The following ZNF208 variants were observed in gnomAD, a reference collection of about 807,000 sequenced individuals.
The protein encoded by ZNF208 is zinc finger protein 208.
In ZNF208, 10 loss-of-function variants were observed where a neutral mutation model predicts 12.1. The ratio of observed to expected loss-of-function variants is 0.83; its 90% CI spans 0.51 to 1.40. ZNF208 has a LOEUF of 1.40. Ranked by LOEUF, ZNF208 falls within the 40% of genes most tolerant of loss-of-function variation. The pLI, the probability that ZNF208 is intolerant of heterozygous loss-of-function variation, is 0.00. For synonymous variants in ZNF208, 497 were observed against 488.4 expected (o/e 1.02, Z -0.23); for missense variants, 1,652 against 1,485.0 (o/e 1.11, Z -1.85).
chr19:21,951,899 A>T (rs990996296), intron 4 of ZNF208, among the ~76,000 whole-genome samples: 3 of 152,318 alleles, frequency 2.0e-5, no homozygotes, highest in African/African-American at 7.2e-5. Flanking sequence ...CCTAGCCTGG[A>T]GAAGCCAGGA....
At chr19:21,989,001 G>T in intron 1 of ZNF208, 92 bp from the exon 2 acceptor site, 6 of 1,515,716 alleles carry the variant, frequency 4.0e-6, no homozygotes, top group Non-Finnish European at 5.3e-6. Context: ...AAGAGAGCTG[G>T]TTCTGACTTA....
chr19:21,993,898 T>C (rs1027739547), intron 1 of ZNF208, among the ~76,000 whole-genome samples: 1 of 152,236 alleles, frequency 6.6e-6, no homozygotes, highest in Non-Finnish European at 1.5e-5. Flanking sequence ...GCACATGTAC[T>C]ACTACAATGT....
intron 4 of ZNF208, among the ~76,000 whole-genome samples, chr19:21,943,684 A>AC (rs1969776906): frequency 6.6e-6 from 1 of 152,180 alleles, no homozygotes; most frequent in Admixed American, 6.5e-5. Context: ...AAACAAAAAA[A>AC]ATGAGATAGG....
chr19:21,964,373 A>G (rs1970128527), downstream of ZNF208, among the ~76,000 whole-genome samples: 2 of 151,288 alleles, frequency 1.3e-5, no homozygotes, highest in Non-Finnish European at 2.9e-5. Flanking sequence ...ACTTTGAAAG[A>G]CAGACTCTAA....
chr19:22,007,371 T>A (rs1205376762), intron 1 of ZNF208, among the ~76,000 whole-genome samples: 2 of 151,234 alleles, frequency 1.3e-5, no homozygotes, highest in Middle Eastern at 3.4e-3. Context: ...TACAAAAAAA[T>A]TTGCTGGGCG....
chr19:22,002,195 C>T (rs1037716278), intron 1 of ZNF208, among the ~76,000 whole-genome samples: 10 of 152,184 alleles, frequency 6.6e-5, no homozygotes, highest in South Asian at 2.1e-4. Context: ...AAGATGCATA[C>T]GTCAAAATAG....
chr19:21,962,431 A>T (rs188415839), downstream of ZNF208, among the ~76,000 whole-genome samples: 40 of 152,260 alleles, frequency 2.6e-4, no homozygotes, highest in African/African-American at 8.4e-4. Flanking sequence ...TTATATTTCA[A>T]AAAAAGAACA....
In ZNF208 at chr19:21,966,288, TTTA is replaced by T. The variant is rs1284282520; in HGVS notation, c.*4900_*4902del. ...CTCCTTCTTTTTAGAATTCTCAGTG[TTTA>T]TTGTTTTCATCTTTGTTTCCATGTG... On this transcript the variant is annotated 3_prime_UTR_variant, in exon 4 of 4. Transcript: ENST00000397126. 6.6e-6 allele frequency: 1 copy of T among 152,008 alleles called. No individual in the cohort carries two copies. The highest frequency in any genetic ancestry group is 1.5e-5 in the Non-Finnish European group (1 of 67,986). 9.4% of individuals were successfully genotyped at this position (152,008 alleles called of 1,614,324 possible). A position where few individuals can be genotyped will look rare whatever the true frequency, so the allele number is the denominator to read the frequency against.
At chr19:21,977,083 A>C (rs1970444706) in intron 3 of ZNF208, among the ~76,000 whole-genome samples, 1 of 152,268 alleles carries the variant, frequency 6.6e-6, no homozygotes, top group Non-Finnish European at 1.5e-5. Context: ...CCAAAGAGAC[A>C]AAGAAAGATA....
intron 4 of ZNF208, among the ~76,000 whole-genome samples, chr19:21,956,253 A>T (rs1969974346): frequency 6.6e-6 from 1 of 152,182 alleles, no homozygotes; most frequent in Admixed American, 6.5e-5. Flanking sequence ...CCCTACTGGG[A>T]GGTGTCTCCC....
intron 3 of ZNF208, among the ~76,000 whole-genome samples, chr19:21,978,253 C>T (rs1251824188): frequency 1.3e-5 from 2 of 152,156 alleles, no homozygotes; most frequent in Non-Finnish European, 2.9e-5. Flanking sequence ...TCAAGTGGGT[C>T]CCTGACACCC....
chr19:21,993,217 C>T (rs567094184), intron 1 of ZNF208, among the ~76,000 whole-genome samples: 1 of 152,088 alleles, frequency 6.6e-6, no homozygotes, highest in African/African-American at 2.4e-5. Flanking sequence ...CTGACACAGG[C>T]ACCAGCAATT....
At position 21,971,373 on chromosome 19, in the gene ZNF208, C is replaced by G. The variant is rs1970279005; in HGVS notation, c.3661G>C (p.Gly1221Arg). The change falls in exon 4 of 4, where the codon GGA (glycine) becomes CGA (arginine). Residue 1221 changes from glycine (G) to arginine (R), a missense_variant. By Grantham distance (125) the Gly-to-Arg change is moderately radical (BLOSUM62 -2). Transcript: ENST00000397126. ...TLRYHKKIHT[G>R]EKPYKCEECG... ...TCTTCACATTTGTAGGGTTTCTCTC[C>G]AGTATGAATTTTCTTGTGATATCTA... 1.9e-6 allele frequency: 3 copies of G among 1,609,980 alleles called. No individual in the cohort carries two copies. Among genetic ancestry groups the G allele is most frequent in the Non-Finnish European group, 2.5e-6 (3 of 1,179,348 alleles).
intron 3 of ZNF208, among the ~76,000 whole-genome samples, chr19:21,980,287 A>G (rs1230540201): frequency 4.0e-5 from 4 of 99,962 alleles, no homozygotes; most frequent in Non-Finnish European, 8.6e-5. Context: ...TCTCGGCACC[A>G]CATCACTCTT....
chr19:21,950,241 T>G (rs1473167840), intron 4 of ZNF208, among the ~76,000 whole-genome samples: 1 of 152,166 alleles, frequency 6.6e-6, no homozygotes, highest in Non-Finnish European at 1.5e-5. Context: ...TTTTCTCACT[T>G]AACTAAATTA....
Position 21,971,335 on chromosome 19 carries a change from G to T in ZNF208, c.3699C>A (p.Ala1233=), listed in dbSNP as rs759929645. The T allele has an allele frequency of 9.3e-6, 15 of 1,608,114 alleles. No individual in the cohort carries two copies. Among genetic ancestry groups the T allele is most frequent in the Non-Finnish European group, 1.3e-5 (15 of 1,179,082 alleles). The change falls in exon 4 of 4, where the codon GCC becomes GCA. Residue 1233 remains alanine (A), a synonymous_variant. Coordinates refer to ENST00000397126, the MANE Select transcript of ZNF208 (RefSeq NM_007153.3). The stretch of plus-strand genomic sequence containing the variant: ...TAGTGAGGATTGAGAACGTACTAAA[G>T]GCTTTGCCACATTCTTCACATTTGT... The part of the protein sequence containing the change: ...KPYKCEECGK[A]FSTFSILTKH...
At chr19:21,981,799 T>C (rs558381629) in intron 3 of ZNF208, among the ~76,000 whole-genome samples, 19 of 152,280 alleles carry the variant, frequency 1.2e-4, no homozygotes, top group African/African-American at 3.9e-4. Flanking sequence ...TGATTGTATA[T>C]TTAGAAAACC....
rs759130176 is a variant in ZNF208, at chr19:21,972,787, G to A, written c.2247C>T (p.Tyr749=). The change falls in exon 4 of 4, where the codon TAC becomes TAT. Residue 749 remains tyrosine, a synonymous_variant. Coordinates refer to ENST00000397126, the MANE Select transcript of ZNF208 (RefSeq NM_007153.3). ...HKVIHTGEKP[Y]KCEECGKAYK... is the part of the protein sequence containing the mutation. ...AGGCTTTGCCACATTCTTCACATTT[G>A]TAGGGTTTCTCTCCAGTATGAATTA... The A allele has an allele frequency of 6.2e-7, 1 of 1,611,900 alleles. No individual in the cohort carries two copies. The highest frequency in any genetic ancestry group is 8.5e-7 in the Non-Finnish European group (1 of 1,179,836).
intron 4 of ZNF208, among the ~76,000 whole-genome samples, chr19:21,960,557 T>C (rs943184773): frequency 4.6e-5 from 7 of 152,304 alleles, no homozygotes; most frequent in African/African-American, 1.7e-4. Context: ...CTCAGCACTC[T>C]GTGTCTTAGC....
Sources: allele counts gnomAD v4.1 joint callset (sites outside exome capture counted in the v4.1 genomes callset), GRCh38; gene constraint gnomAD v4.1.1; transcripts MANE v1.5; gene names NCBI Gene and HGNC (gene_info 2026-07-23, HGNC 2026-07-21).